SIL1: variants seen among roughly 807,000 people sequenced by gnomAD.
The protein encoded by SIL1 is nucleotide exchange factor SIL1.
Under a neutral mutation model 49.1 loss-of-function variants are expected in SIL1, and 40 were observed. The observed-to-expected ratio is 0.81, with a 90% CI of 0.63 to 1.06. The LOEUF is 1.06. Among genes scored for constraint, SIL1 ranks in the 50% least tolerant of loss-of-function variants. The pLI is 0.00. For missense variants in SIL1, 500 were observed against 572.6 expected (o/e 0.87, Z 1.29); for synonymous variants, 253 against 250.8 (o/e 1.01, Z -0.08).
At chr5:139,055,601 C>T (rs1232671338) in intron 3 of SIL1, among the ~76,000 whole-genome samples, 1 of 100,350 alleles carries the variant, frequency 1.0e-5, no homozygotes, top group African/African-American at 5.1e-5. Flanking sequence ...TCTCCCTCTC[C>T]CTCTCCCTCT....
intron 1 of SIL1, among the ~76,000 whole-genome samples, chr5:139,144,958 T>G (rs1160297143): frequency 6.6e-6 from 1 of 152,178 alleles, no homozygotes; most frequent in Non-Finnish European, 1.5e-5. Flanking sequence ...ATTTCTTAAA[T>G]ATTACACTAA....
chr5:138,951,237 C>T lies in SIL1; in HGVS notation c.963G>A (p.Gln321=). The part of the protein sequence containing the change: ...GGLQVLRTLV[Q]EKGTEVLAVR... Reference sequence around the variant, plus strand: ...CGGCGAGCACCTCCGTGCCCTTCTCCTGCACCAGGGTCCTCAGGACCTGCA... The same window carrying T: ...CGGCGAGCACCTCCGTGCCCTTCTCTTGCACCAGGGTCCTCAGGACCTGCA... Residue 321 remains glutamine, a synonymous_variant, in exon 9 of 10, where the codon CAG becomes CAA. Coordinates refer to ENST00000394817, the MANE Select transcript of SIL1 (RefSeq NM_022464.5). 6.2e-7 allele frequency: 1 copy of T among 1,604,352 alleles called. No homozygotes were observed. Among genetic ancestry groups the T allele is most frequent in the Non-Finnish European group, 8.5e-7 (1 of 1,175,288 alleles).
intron 3 of SIL1, among the ~76,000 whole-genome samples, chr5:139,103,074 A>C (rs1581101833): frequency 6.6e-6 from 1 of 152,270 alleles, no homozygotes; most frequent in Middle Eastern, 3.4e-3. Context: ...CCACCTCAAA[A>C]TTCTCAGCAC....
Position 139,182,801 on chromosome 5 carries a change from T to C in SIL1, c.-11+15468A>G, listed in dbSNP as rs544236886. 9.2e-5 allele frequency among the ~76,000 whole-genome samples: 14 copies of C among 152,248 alleles called. No homozygotes were observed. In the South Asian group the frequency reaches 2.9e-3, roughly 32 times the overall value. On this transcript the variant is annotated intron_variant, in intron 1 of 9. Transcript: ENST00000394817. ...GCTGAGGACACAGGAGCAGGGGGGT[T>C]GAGTAGCTCCTCTGAAGTCTCACAG...
chr5:138,958,743 A>G (rs921276185), intron 7 of SIL1, among the ~76,000 whole-genome samples: 5 of 152,140 alleles, frequency 3.3e-5, no homozygotes, highest in Admixed American at 1.3e-4. Flanking sequence ...AAAAAAAGAA[A>G]ATCCAAAACA....
At position 139,121,041 on chromosome 5, in the gene SIL1, G is replaced by T. The variant is rs369018006; in HGVS notation, c.238C>A (p.Gln80Lys). The T allele has an allele frequency of 2.0e-5, 32 of 1,613,942 alleles. No individual in the cohort carries two copies. In the Middle Eastern group the frequency reaches 6.7e-4, roughly 34 times the overall value. Residue 80 changes from glutamine to lysine, a missense_variant, in exon 3 of 10, where the codon CAG becomes AAG. Physicochemically the swap from Gln to Lys is moderately conservative, Grantham distance 53. Coordinates refer to ENST00000394817, the MANE Select transcript of SIL1 (RefSeq NM_022464.5). ...ACAGGGCTGGGCCTGATACCTGGCT[G>T]AAGGGCCTGCCACTCATGCGTCGGG... The part of the protein sequence containing the change: ...FHPTHEWQAL[Q>K]PGQAVPAGSH...
chr5:139,039,132 C>A (rs538177373), intron 5 of SIL1, among the ~76,000 whole-genome samples: 4 of 152,310 alleles, frequency 2.6e-5, no homozygotes, highest in Non-Finnish European at 5.9e-5. Context: ...AAGTCAAGCT[C>A]TCTGCTCAGC....
chr5:139,182,113 T>C (rs1751994349), intron 1 of SIL1, among the ~76,000 whole-genome samples: 1 of 152,174 alleles, frequency 6.6e-6, no homozygotes, highest in Admixed American at 6.5e-5. Flanking sequence ...TCTTGGGACA[T>C]GTGTGGCCAG....
At chr5:139,096,042 T>C (rs887282464) in intron 3 of SIL1, among the ~76,000 whole-genome samples, 1 of 152,122 alleles carries the variant, frequency 6.6e-6, no homozygotes, top group Non-Finnish European at 1.5e-5. Context: ...AAAGACGCAC[T>C]GAAGAGATAG....
chr5:139,162,504 C>A (rs1241750257), intron 1 of SIL1, among the ~76,000 whole-genome samples: 2 of 152,032 alleles, frequency 1.3e-5, no homozygotes, highest in African/African-American at 4.8e-5. Flanking sequence ...CCACATAAAA[C>A]GAAGGAAGGG....
At chr5:139,134,181 A>T (rs189613425) in intron 1 of SIL1, among the ~76,000 whole-genome samples, 21 of 152,254 alleles carry the variant, frequency 1.4e-4, no homozygotes, top group Non-Finnish European at 2.1e-4. Flanking sequence ...GCAATGACAC[A>T]ATCTCAGCTC....
chr5:139,014,340 C>T (rs1160763159), intron 7 of SIL1: 1 of 149,576 alleles, frequency 6.7e-6, no homozygotes, highest in Non-Finnish European at 1.5e-5. Flanking sequence ...GCACCCCAGC[C>T]TGGGCAACAA....
chr5:139,106,536 A>G (rs1665623612), intron 3 of SIL1, among the ~76,000 whole-genome samples: 1 of 152,242 alleles, frequency 6.6e-6, no homozygotes, highest in Admixed American at 6.5e-5. Flanking sequence ...TAAAATACAA[A>G]GAATGTTTTT....
At chr5:139,187,252 C>T (rs1273461116) in intron 1 of SIL1, among the ~76,000 whole-genome samples, 1 of 152,176 alleles carries the variant, frequency 6.6e-6, no homozygotes, top group Middle Eastern at 3.2e-3. Flanking sequence ...GGTGCAGTGG[C>T]TCACGTCTGT....
At chr5:139,004,972 C>T (rs940146004) in intron 7 of SIL1, among the ~76,000 whole-genome samples, 1 of 152,062 alleles carries the variant, frequency 6.6e-6, no homozygotes, top group Admixed American at 6.5e-5. Flanking sequence ...GATGTCGGGC[C>T]AGGTTGCTGG....
intron 7 of SIL1, among the ~76,000 whole-genome samples, chr5:139,016,639 G>T (rs571715134): frequency 1.3e-5 from 2 of 152,230 alleles, no homozygotes; most frequent in South Asian, 4.1e-4. Flanking sequence ...ATAATGACAT[G>T]GCAGCCAAGA....
At chr5:139,075,977 C>T (rs1267467396) in intron 3 of SIL1, among the ~76,000 whole-genome samples, 1 of 152,202 alleles carries the variant, frequency 6.6e-6, no homozygotes, top group Non-Finnish European at 1.5e-5. Flanking sequence ...CCCATCCATG[C>T]TCTTGGTATC....
intron 3 of SIL1, among the ~76,000 whole-genome samples, chr5:139,064,139 T>C (rs1306196692): frequency 1.3e-5 from 2 of 152,190 alleles, no homozygotes; most frequent in African/African-American, 4.8e-5. Context: ...CACAGACAAA[T>C]ATGGTTCTAT....
At chr5:138,954,795 C>G (rs1407213603) in intron 7 of SIL1, among the ~76,000 whole-genome samples, 1 of 152,228 alleles carries the variant, frequency 6.6e-6, no homozygotes, top group East Asian at 1.9e-4. Flanking sequence ...GCCTGCAGGA[C>G]CCTTGCTGGG....
Sources: gnomAD v4.1 joint callset for allele counts (sites outside exome capture counted in the v4.1 genomes callset) on GRCh38, gnomAD v4.1.1 for gene constraint, MANE v1.5 for transcripts, NCBI Gene and HGNC (gene_info 2026-07-23, HGNC 2026-07-21) for gene names.